Variants in DAG1 observed in about 807,000 individuals in gnomAD.
DAG1 encodes the protein dystroglycan 1 (dystrophin-associated glycoprotein 1).
DAG1 carries 8 observed loss-of-function variants against 46.1 expected under a neutral mutation model. The ratio of observed to expected loss-of-function variants is 0.17; its 90% CI spans 0.10 to 0.31. The LOEUF (loss-of-function observed/expected upper bound fraction) is 0.31, where lower values mean the gene tolerates loss of function less well. DAG1 is among the 10% of genes least tolerant of loss of function. DAG1 has a pLI of 1.00. For missense variants in DAG1, 1,003 were observed against 1,189.9 expected (o/e 0.84, Z 2.31); for synonymous variants, 495 against 481.8 (o/e 1.03, Z -0.36).
At chr3:49,507,516 T>C (rs2050636942) in intron 1 of DAG1, among the ~76,000 whole-genome samples, 1 of 152,130 alleles carries the variant, frequency 6.6e-6, no homozygotes, top group South Asian at 2.1e-4. Flanking sequence ...TGAGCCGAGA[T>C]TGTGCACTAC....
chr3:49,532,927 G>A lies in DAG1; in HGVS notation c.2416G>A (p.Asp806Asn), dbSNP rs375691410. The A allele has an allele frequency of 6.8e-6, 11 of 1,613,936 alleles. No individual in the cohort carries two copies. Among genetic ancestry groups the A allele is most frequent in the African/African-American group, 6.7e-5 (5 of 74,918 alleles). The change falls in exon 3 of 3, where the codon GAC (aspartate) becomes AAC (asparagine). Residue 806 changes from aspartate to asparagine, a missense_variant. This residue lies in a region of DAG1 where 755 missense variants were observed against 854.1 expected (regional missense o/e 0.88). Coordinates refer to ENST00000308775, the MANE Select transcript of DAG1 (RefSeq NM_004393.6). This position sits in a 1 kb window ranked among gnomAD's most constrained non-coding sequence, Gnocchi z 5.4. ...TATCATCTTTGCAGACGAACTGGAC[G>A]ACTCCAAGCCCCCACCCTCCTCCAG... ...VPIIFADELD[D>N]SKPPPSSSMP...
At chr3:49,492,463 G>A (rs1408060877) in intron 1 of DAG1, among the ~76,000 whole-genome samples, 1 of 152,062 alleles carries the variant, frequency 6.6e-6, no homozygotes, top group Non-Finnish European at 1.5e-5. Context: ...CCTGGGCAAC[G>A]TGGTAAGGCC....
chr3:49,530,666 G>T, intron 2 of DAG1, 131 bp from the exon 3 acceptor site: 1 of 1,311,934 alleles, frequency 7.6e-7, no homozygotes. Flanking sequence ...TAGGGGGGAG[G>T]AATCAGCTTC....
intron 1 of DAG1, among the ~76,000 whole-genome samples, chr3:49,491,815 C>T (rs547562694): frequency 2.2e-4 from 34 of 152,128 alleles, no homozygotes; most frequent in African/African-American, 7.0e-4. Context: ...GACGGGGTTT[C>T]GCCACATTGG....
chr3:49,521,638 G>A (rs544067763), intron 2 of DAG1, among the ~76,000 whole-genome samples: 1 of 151,936 alleles, frequency 6.6e-6, no homozygotes, highest in South Asian at 2.1e-4. Flanking sequence ...TAAAGACGAC[G>A]TTTTGCCGTG....
chr3:49,510,245 A>G (rs961400234), intron 1 of DAG1, 174 bp from the exon 2 acceptor site: 12 of 532,674 alleles, frequency 2.3e-5, no homozygotes, highest in Non-Finnish European at 4.0e-5. Context: ...GATCAGCTAC[A>G]TTTCCAGTGC....
At chr3:49,506,531 C>T (rs1369740617) in intron 1 of DAG1, among the ~76,000 whole-genome samples, 2 of 152,110 alleles carry the variant, frequency 1.3e-5, no homozygotes, top group Non-Finnish European at 2.9e-5. Context: ...TTGTCAGACA[C>T]TTTCTCTGCA....
At chr3:49,502,217 G>A (rs1300665421) in intron 1 of DAG1, among the ~76,000 whole-genome samples, 4 of 152,210 alleles carry the variant, frequency 2.6e-5, no homozygotes, top group African/African-American at 9.6e-5. Context: ...GCACTTTATA[G>A]AGATCTGAGG....
At chr3:49,480,544 T>C (rs569685286) in intron 1 of DAG1, among the ~76,000 whole-genome samples, 7,209 of 124,974 alleles carry the variant, frequency 0.058, 494 homozygotes, top group Non-Finnish European at 0.1. Flanking sequence ...CCGCCCGCCT[T>C]GGCCTCCCAA....
chr3:49,480,928 AT>A (rs1178349656), intron 1 of DAG1, among the ~76,000 whole-genome samples: 1 of 133,500 alleles, frequency 7.5e-6, no homozygotes, highest in East Asian at 2.1e-4. Context: ...CACCTGGATA[AT>A]TTTTTGTATT....
At chr3:49,525,257 C>T (rs749708948) in intron 2 of DAG1, among the ~76,000 whole-genome samples, 15 of 152,044 alleles carry the variant, frequency 9.9e-5, no homozygotes, top group East Asian at 1.9e-4. Flanking sequence ...AGGTAGTGGC[C>T]GGGACTTCAG....
chr3:49,499,515 A>G (rs545533488), intron 1 of DAG1, among the ~76,000 whole-genome samples: 7 of 152,342 alleles, frequency 4.6e-5, no homozygotes, highest in Middle Eastern at 3.4e-3. Context: ...TTGGTGCCCC[A>G]TGTGCATTTG....
At chr3:49,495,417 A>G in intron 1 of DAG1, among the ~76,000 whole-genome samples, 1 of 152,350 alleles carries the variant, frequency 6.6e-6, no homozygotes, top group South Asian at 2.1e-4. Flanking sequence ...CACCTAGCAC[A>G]GGGTAGGTAG....
At chr3:49,502,439 C>T (rs11719567) in intron 1 of DAG1, among the ~76,000 whole-genome samples, 638 of 152,248 alleles carry the variant, frequency 4.2e-3, no homozygotes, top group Middle Eastern at 0.01. Flanking sequence ...ACCCAGCCAT[C>T]TACTGATGGC....
At chr3:49,530,716 C>T (rs919766582) in intron 2 of DAG1, 81 bp from the exon 3 acceptor site, 6 of 1,593,242 alleles carry the variant, frequency 3.8e-6, no homozygotes, top group Non-Finnish European at 4.3e-6. Context: ...ACCTGTCACA[C>T]AATTCAGGTT....
chr3:49,472,807 A>AAAAAC (rs1375288788), intron 1 of DAG1, among the ~76,000 whole-genome samples: 1 of 151,854 alleles, frequency 6.6e-6, no homozygotes, highest in Admixed American at 6.6e-5. Context: ...ACTCCGTCTC[A>AAAAAC]AAAACAAAAC....
chr3:49,528,274 G>GT (rs1559575548), intron 2 of DAG1, among the ~76,000 whole-genome samples: 2 of 60,328 alleles, frequency 3.3e-5, no homozygotes, highest in African/African-American at 6.1e-5. Context: ...GAAATAGTGT[G>GT]ATTTTTTTTT....
chr3:49,487,860 A>G (rs1457777720), intron 1 of DAG1, among the ~76,000 whole-genome samples: 2 of 151,596 alleles, frequency 1.3e-5, no homozygotes, highest in Non-Finnish European at 1.5e-5. Flanking sequence ...CCGCCACCAT[A>G]CACGGCTAAT....
intron 2 of DAG1, among the ~76,000 whole-genome samples, chr3:49,517,596 T>C (rs1042998306): frequency 6.6e-6 from 1 of 152,150 alleles, no homozygotes; most frequent in Non-Finnish European, 1.5e-5. Flanking sequence ...GACCTATCAT[T>C]GGGCCCAAAA....
Sources: gnomAD v4.1 joint callset for allele counts (sites outside exome capture counted in the v4.1 genomes callset) on GRCh38, gnomAD v4.1.1 for gene constraint, gnomAD v4.1.1 regional missense constraint, Gnocchi (gnomAD v3.1) non-coding constraint, MANE v1.5 for transcripts, NCBI Gene and HGNC (gene_info 2026-07-23, HGNC 2026-07-21) for gene names.